Variants in TULP4 observed in about 807,000 individuals in gnomAD.
TULP4 encodes the protein TUB like protein 4.
In TULP4, 16 loss-of-function variants were observed where a neutral mutation model predicts 129.0. The observed-to-expected ratio is 0.12, with a 90% CI of 0.08 to 0.19. The LOEUF (loss-of-function observed/expected upper bound fraction) is 0.19. Among genes scored for constraint, TULP4 ranks in the 10% least tolerant of loss-of-function variants. TULP4 has a pLI of 1.00. For synonymous variants in TULP4, 998 were observed against 854.0 expected, an observed-to-expected ratio of 1.17 and a Z score of -2.94; for missense variants, 1,842 against 2,059.1, an observed-to-expected ratio of 0.89 and a Z score of 2.04.
chr6:158,240,044 G>A, intron 1 of TULP4, among the ~76,000 whole-genome samples: 1 of 105,412 alleles, frequency 9.5e-6, no homozygotes, highest in African/African-American at 3.2e-5. Flanking sequence ...GCGGGGGGCT[G>A]ACCCCCCCAC....
At chr6:158,477,969 A>G (rs1779860002) in intron 6 of TULP4, among the ~76,000 whole-genome samples, 1 of 152,250 alleles carries the variant, frequency 6.6e-6, no homozygotes, top group Non-Finnish European at 1.5e-5. Flanking sequence ...ACATGGATAG[A>G]GTTGGAGGCC....
intron 1 of TULP4, among the ~76,000 whole-genome samples, chr6:158,358,625 A>G (rs1780700312): frequency 1.3e-5 from 2 of 152,324 alleles, no homozygotes; most frequent in South Asian, 2.1e-4. Flanking sequence ...TCTATTTAGC[A>G]TTGGTATAAA....
intron 2 of TULP4, among the ~76,000 whole-genome samples, chr6:158,416,761 T>C (rs1007499635): frequency 1.3e-5 from 2 of 152,230 alleles, no homozygotes; most frequent in African/African-American, 4.8e-5. Context: ...ACTCTCTGGC[T>C]CACCCAGAGC....
At position 158,479,638 on chromosome 6, in the gene TULP4, C is replaced by A. The variant is rs947586102; in HGVS notation, c.1027-113C>A. 4 of 948,280 alleles carry A rather than the reference C, an allele frequency of 4.2e-6. No homozygotes were observed. The East Asian group carries it at 7.9e-5, about 19-fold the overall frequency. The allele number at this position is 948,280 out of a possible 1,614,324, so 58.7% of individuals were successfully genotyped here. A position where few individuals can be genotyped will look rare whatever the true frequency, so the allele number is the denominator to read the frequency against. On this transcript the variant is annotated intron_variant, in intron 6 of 13. Transcript: ENST00000367097. ...ACATTCTCTACTGTGCTTTTAAAAC[C>A]AGTATTCTCAAAACAGCTTATTTTA...
chr6:158,246,223 C>G (rs550988223), intron 1 of TULP4, among the ~76,000 whole-genome samples: 2 of 151,966 alleles, frequency 1.3e-5, no homozygotes, highest in African/African-American at 4.8e-5. Context: ...ACATCTGGGC[C>G]GGGCATGGTG....
In TULP4 at chr6:158,503,230, G is replaced by A. The variant is rs1562595181; in HGVS notation, c.3567G>A (p.Val1189=). ...TCCAAACAGGCTATGGGATGGGAGT[G>A]CCATATCCAGGAAGCTATAACAACC... ...ATFQTGYGMG[V]PYPGSYNNPP... Residue 1189 remains valine (V), a synonymous_variant, in exon 13 of 14, where the codon GTG becomes GTA. Transcript: ENST00000367097. The surrounding 1 kb of genome is among the most constrained non-coding windows in gnomAD (Gnocchi z 4.3). 3.1e-6 allele frequency: 5 copies of A among 1,613,942 alleles called. No individual in the cohort carries two copies. Among genetic ancestry groups the A allele is most frequent in the Non-Finnish European group, 4.2e-6 (5 of 1,180,024 alleles).
chr6:158,403,070 A>G (rs1346383390), intron 1 of TULP4, among the ~76,000 whole-genome samples: 1 of 152,212 alleles, frequency 6.6e-6, no homozygotes, highest in East Asian at 1.9e-4. Context: ...GGGAATGAAT[A>G]TCCATCAATT....
intron 1 of TULP4, among the ~76,000 whole-genome samples, chr6:158,375,686 G>T (rs1777168190): frequency 6.6e-6 from 1 of 152,178 alleles, no homozygotes; most frequent in African/African-American, 2.4e-5. Flanking sequence ...AAACACTGTA[G>T]GGTAAAATGC....
At chr6:158,433,346 TA>T (rs1778673601) in intron 3 of TULP4, among the ~76,000 whole-genome samples, 1 of 152,254 alleles carries the variant, frequency 6.6e-6, no homozygotes, top group Non-Finnish European at 1.5e-5. Flanking sequence ...ACATATTCTT[TA>T]CTCTGAACCA....
chr6:158,502,979 C>G lies in TULP4; in HGVS notation c.3316C>G (p.His1106Asp), dbSNP rs1392345001. ...CTGTCAGCTTGAGAAGCCCTTGAGG[C>G]ACCCTCCCCTGCCTGAAGCTGCTGT... The part of the protein sequence containing the change: ...QHCQLEKPLR[H>D]PPLPEAAVTL... The change falls in exon 13 of 14, where the codon CAC becomes GAC. Residue 1106 changes from histidine to aspartate, a missense_variant. This residue lies in a region of TULP4 where 1,089 missense variants were observed against 987.1 expected (regional missense o/e 1.10). Transcript: ENST00000367097. The G allele has an allele frequency of 6.2e-7, 1 of 1,613,840 alleles. No homozygotes were observed. Among genetic ancestry groups the G allele is most frequent in the South Asian group, 1.1e-5 (1 of 91,064 alleles).
intron 3 of TULP4, among the ~76,000 whole-genome samples, chr6:158,440,435 G>T (rs1411441275): frequency 6.6e-6 from 1 of 152,118 alleles, no homozygotes; most frequent in East Asian, 1.9e-4. Flanking sequence ...TAGGTTAAAG[G>T]GCTGGTAAGA....
At chr6:158,241,039 C>A (rs79352818) in intron 1 of TULP4, among the ~76,000 whole-genome samples, 3 of 135,194 alleles carry the variant, frequency 2.2e-5, no homozygotes, top group African/African-American at 7.8e-5. Context: ...ATGGGGCGGC[C>A]GGGTAGAGAC....
chr6:158,398,987 G>A (rs541189363), intron 1 of TULP4, among the ~76,000 whole-genome samples: 209 of 152,288 alleles, frequency 1.4e-3, no homozygotes, highest in African/African-American at 4.7e-3. Flanking sequence ...GTGTGTGAAC[G>A]TTGTGTGGAT....
At chr6:158,258,243 G>T (rs901408193) in intron 1 of TULP4, among the ~76,000 whole-genome samples, 2 of 152,070 alleles carry the variant, frequency 1.3e-5, no homozygotes, top group Admixed American at 1.3e-4. Context: ...CATGGATGGG[G>T]CCAGGAGGAC....
Position 158,328,388 on chromosome 6 carries a change from T to C in TULP4, c.252+14120T>C, listed in dbSNP as rs763355723. Reference sequence around the variant, plus strand: ...TCTCTGCTAATTGACAGAGCTGAAATTGAACTCAGGAACCTTCTAGATTCT... The same window carrying C: ...TCTCTGCTAATTGACAGAGCTGAAACTGAACTCAGGAACCTTCTAGATTCT... On this transcript the variant is annotated intron_variant, in intron 1 of 13. Transcript: ENST00000367097. 2.6e-5 allele frequency among the ~76,000 whole-genome samples: 4 copies of C among 152,108 alleles called. No individual in the cohort carries two copies. In the East Asian group the frequency reaches 5.8e-4, roughly 22 times the overall value.
intron 1 of TULP4, among the ~76,000 whole-genome samples, chr6:158,359,496 G>A (rs1255020905): frequency 6.6e-6 from 1 of 152,176 alleles, no homozygotes. Flanking sequence ...CTTGGAGTAT[G>A]ATGTTTGAGG....
chr6:158,506,937 A>C lies in TULP4; in HGVS notation c.*243A>C. 1 of 506,424 alleles carries C rather than the reference A, an allele frequency of 2.0e-6. No individual in the cohort carries two copies. Among genetic ancestry groups the C allele is most frequent in the South Asian group, 2.1e-5 (1 of 46,626 alleles). The allele number at this position is 506,424 out of a possible 1,614,324, so 31.4% of individuals were successfully genotyped here. On this transcript the variant is annotated 3_prime_UTR_variant, in exon 14 of 14. Transcript: ENST00000367097. The stretch of plus-strand genomic sequence containing the variant: ...TCATTTCAGTGGCATTTGGAAGCAA[A>C]GAGTGCTAGGCACCTGCTGTTCTTT...
chr6:158,295,771 G>C (rs146133822), intron 1 of TULP4, among the ~76,000 whole-genome samples: 26,166 of 152,032 alleles, frequency 0.17, 2,654 homozygotes, highest in Middle Eastern at 0.24. Context: ...GATGCCTGTA[G>C]TCCCAACTAC....
intron 2 of TULP4, among the ~76,000 whole-genome samples, chr6:158,429,144 G>A (rs933792780): frequency 2.0e-5 from 3 of 151,878 alleles, no homozygotes; most frequent in African/African-American, 4.8e-5. Context: ...CACTGCTCCC[G>A]ACTAATTATT....
Sources: gnomAD v4.1 joint callset for allele counts (sites outside exome capture counted in the v4.1 genomes callset) on GRCh38, gnomAD v4.1.1 for gene constraint, gnomAD v4.1.1 regional missense constraint, Gnocchi (gnomAD v3.1) non-coding constraint, MANE v1.5 for transcripts, NCBI Gene and HGNC (gene_info 2026-07-23, HGNC 2026-07-21) for gene names.